The following PHLPP2 variants were observed in gnomAD, a reference collection of about 807,000 sequenced individuals.
The protein encoded by PHLPP2 is PH domain and leucine rich repeat protein phosphatase 2.
In PHLPP2, 66 loss-of-function variants were observed where a neutral mutation model predicts 124.9. The observed-to-expected ratio is 0.53, with a 90% confidence interval of 0.43 to 0.65. PHLPP2 has a LOEUF of 0.65. Ranked by LOEUF, PHLPP2 falls within the 30% of genes least tolerant of loss-of-function variation. The pLI is 0.00. For synonymous variants in PHLPP2, 681 were observed against 624.7 expected (o/e 1.09, Z -1.34); for missense variants, 1,685 against 1,600.4 (o/e 1.05, Z -0.90).
Position 71,648,962 on chromosome 16 carries a change from G to C in PHLPP2, c.3900C>G (p.Asp1300Glu). The stretch of plus-strand genomic sequence containing the variant: ...CATGGGGCTCAGGCTCGAGCCGGCT[G>C]TCCTGGTGCTGTTTCATTTGTTCCT... Reference protein sequence around the residue: ...EVKEQMKQHQDSRLEPEPHEE... With the variant: ...EVKEQMKQHQESRLEPEPHEE... The change falls in exon 19 of 19, where the codon GAC becomes GAG. Residue 1300 changes from aspartate (D) to glutamate (E), a missense_variant. By Grantham distance (45) the Asp-to-Glu change is conservative. Transcript: ENST00000568954. The C allele has an allele frequency of 6.2e-7, 1 of 1,613,956 alleles. No homozygotes were observed. Among genetic ancestry groups the C allele is most frequent in the Non-Finnish European group, 8.5e-7 (1 of 1,180,024 alleles).
intron 11 of PHLPP2, among the ~76,000 whole-genome samples, chr16:71,668,107 T>C (rs1284241662): frequency 6.6e-6 from 1 of 152,036 alleles, no homozygotes; most frequent in African/African-American, 2.4e-5. Context: ...TTATACAGTG[T>C]AGTGATTAAG....
chr16:71,650,741 C>A (rs1427996450), intron 18 of PHLPP2, among the ~76,000 whole-genome samples: 1 of 152,164 alleles, frequency 6.6e-6, no homozygotes, highest in Non-Finnish European at 1.5e-5. Flanking sequence ...ACTCTAAAGT[C>A]ATCAATAAAT....
intron 9 of PHLPP2, among the ~76,000 whole-genome samples, chr16:71,674,513 T>C (rs934596369): frequency 1.3e-5 from 2 of 152,174 alleles, no homozygotes; most frequent in South Asian, 2.1e-4. Context: ...AAACAATATT[T>C]CTGTGAGTGT....
chr16:71,676,491 G>T lies in PHLPP2; in HGVS notation c.1427C>A (p.Thr476Lys), dbSNP rs372001493. Residue 476 changes from threonine to lysine, a missense_variant, in exon 9 of 19, where the codon ACA (threonine) becomes AAA (lysine). Coordinates refer to ENST00000568954, the MANE Select transcript of PHLPP2 (RefSeq NM_015020.3). ...HCGRNQLRELTLSGFSLRTLY... is the reference protein window; with the variant it reads ...HCGRNQLRELKLSGFSLRTLY... ...GGTCCGAAGGGAAAAGCCACTGAGT[G>T]TTAGCTCCCTCAGCTGATTCCGCCC... 2.5e-6 allele frequency: 4 copies of T among 1,614,180 alleles called. No individual in the cohort carries two copies. Among genetic ancestry groups the T allele is most frequent in the Non-Finnish European group, 3.4e-6 (4 of 1,179,996 alleles).
At chr16:71,692,765 T>C (rs1486087234) in intron 3 of PHLPP2, among the ~76,000 whole-genome samples, 2 of 152,232 alleles carry the variant, frequency 1.3e-5, no homozygotes, top group Non-Finnish European at 2.9e-5. Flanking sequence ...AGATTACTTA[T>C]AATATCTAAA....
At position 71,697,211 on chromosome 16, in the gene PHLPP2, T is replaced by TA. The variant is rs1439271049; in HGVS notation, c.418+5386dup. On this transcript the variant is annotated intron_variant, in intron 3 of 18. Transcript: ENST00000568954. ...ATAAATAAATAAATAAATAAATAAATAAATAAAAAGAAACTCAGGGTCTGC... is the reference window on the plus strand; with the variant it reads ...ATAAATAAATAAATAAATAAATAAATAAAATAAAAAGAAACTCAGGGTCTGC... Among the ~76,000 whole-genome samples the TA allele has an allele frequency of 2.5e-3, 106 of 42,480 alleles. No homozygotes were observed. In the South Asian group the frequency reaches 0.043, roughly 17 times the overall value. The allele number at this position is 42,480 out of a possible 152,430, so 27.9% of individuals were successfully genotyped here. A position where few individuals can be genotyped will look rare whatever the true frequency, so the allele number is the denominator to read the frequency against.
At chr16:71,676,807 G>A in intron 8 of PHLPP2, 158 bp from the exon 9 acceptor site, 1 of 606,430 alleles carries the variant, frequency 1.6e-6, no homozygotes, top group Non-Finnish European at 2.9e-6. Context: ...GGAGTGCAAT[G>A]GCGTGATCTC....
At chr16:71,719,483 T>C (rs1268293408) in intron 1 of PHLPP2, among the ~76,000 whole-genome samples, 1 of 152,220 alleles carries the variant, frequency 6.6e-6, no homozygotes, top group Non-Finnish European at 1.5e-5. Flanking sequence ...GAGACTGCAG[T>C]GAGCGGAGAT....
rs1416405199 is a variant in PHLPP2, at chr16:71,655,251, C to T, written c.2574G>A (p.Leu858=). ...NDTVFMANTF[L]VSHRKLGMAG... Reference sequence around the variant, plus strand: ...ACCCACCTGCTTACCTGTGAGATACCAAGAAGGTGTTAGCCATGAAAACTG... The same window carrying T: ...ACCCACCTGCTTACCTGTGAGATACTAAGAAGGTGTTAGCCATGAAAACTG... The change falls in exon 17 of 19, where the codon TTG becomes TTA. Residue 858 remains leucine, a synonymous_variant. Transcript: ENST00000568954. The T allele has an allele frequency of 6.2e-7, 1 of 1,610,224 alleles. No homozygotes were observed. The highest frequency in any genetic ancestry group is 2.2e-5 in the East Asian group (1 of 44,846).
At chr16:71,692,839 A>T (rs1194989202) in intron 3 of PHLPP2, among the ~76,000 whole-genome samples, 15 of 150,076 alleles carry the variant, frequency 1.0e-4, no homozygotes, top group African/African-American at 2.7e-4. Context: ...TATTTTTTTA[A>T]AATATTTTTG....
chr16:71,650,568 C>T (rs1452040397), intron 18 of PHLPP2, among the ~76,000 whole-genome samples: 1 of 152,170 alleles, frequency 6.6e-6, no homozygotes, highest in Non-Finnish European at 1.5e-5. Flanking sequence ...CATAATTTAC[C>T]TATGCTCTGG....
chr16:71,699,299 G>C (rs192931321), intron 3 of PHLPP2, among the ~76,000 whole-genome samples: 1 of 152,152 alleles, frequency 6.6e-6, no homozygotes, highest in Non-Finnish European at 1.5e-5. Flanking sequence ...TCTCCTGAAT[G>C]GTTCTTTCTG....
intron 10 of PHLPP2, among the ~76,000 whole-genome samples, 168 bp from the exon 11 acceptor site, chr16:71,669,538 T>C (rs1361906026): frequency 1.3e-5 from 2 of 152,224 alleles, no homozygotes; most frequent in East Asian, 1.9e-4. Flanking sequence ...GCTCATTGAA[T>C]GCTGCTGAAT....
chr16:71,703,860 A>C (rs2145370537), intron 2 of PHLPP2, among the ~76,000 whole-genome samples: 1 of 152,352 alleles, frequency 6.6e-6, no homozygotes, highest in Admixed American at 6.5e-5. Context: ...GTTCAGTAAG[A>C]TACTGACAAT....
Position 71,648,787 on chromosome 16 carries a change from A to C in PHLPP2, c.*103T>G, listed in dbSNP as rs575679600. On this transcript the variant is annotated 3_prime_UTR_variant, in exon 19 of 19. Coordinates refer to ENST00000568954, the MANE Select transcript of PHLPP2 (RefSeq NM_015020.3). ...CTCCGTCTCAAAACAAACAAACAAA[A>C]AAAAAACGAACAAACAAAAAGAAAT... The C allele has an allele frequency of 2.3e-4, 206 of 902,708 alleles. 3 individuals carry two copies. The highest frequency in any genetic ancestry group is 1.8e-3 in the Middle Eastern group (5 of 2,820). 55.9% of individuals were successfully genotyped at this position (902,708 alleles called of 1,614,324 possible). A position where few individuals can be genotyped will look rare whatever the true frequency, so the allele number is the denominator to read the frequency against.
rs765500851 is a variant in PHLPP2, at chr16:71,676,677, C to T, written c.1269-28G>A. 214 of 1,484,400 alleles carry T rather than the reference C, an allele frequency of 1.4e-4. 4 individuals are homozygous for T. The South Asian group carries it at 2.3e-3, about 16-fold the overall frequency. The allele number at this position is 1,484,400 out of a possible 1,614,324, so 92.0% of individuals were successfully genotyped here. A position where few individuals can be genotyped will look rare whatever the true frequency, so the allele number is the denominator to read the frequency against. On this transcript the variant is annotated intron_variant, in intron 8 of 18. Transcript: ENST00000568954. Reference sequence around the variant, plus strand: ...TAATACGCAGAAACAAGAAAATAATCATAAATAAGAGTCTATTAAATGTGC... The same window carrying T: ...TAATACGCAGAAACAAGAAAATAATTATAAATAAGAGTCTATTAAATGTGC...
At position 71,647,143 on chromosome 16, in the gene PHLPP2, A is replaced by G. The variant is rs1163328320; in HGVS notation, c.*1747T>C. On this transcript the variant is annotated 3_prime_UTR_variant, in exon 19 of 19. Coordinates refer to ENST00000568954, the MANE Select transcript of PHLPP2 (RefSeq NM_015020.3). ...TGGCCCTACTTTATTTTTAATTGTA[A>G]AAGTGTTCCAAAAATTCAAAGCACA... 1 of 152,646 alleles carries G rather than the reference A, an allele frequency of 6.6e-6. No homozygotes were observed. Among genetic ancestry groups the G allele is most frequent in the Non-Finnish European group, 1.5e-5 (1 of 68,044 alleles). 9.5% of individuals were successfully genotyped at this position (152,646 alleles called of 1,614,324 possible).
intron 2 of PHLPP2, 30 bp downstream of exon 2, chr16:71,714,482 A>G (rs1328015380): frequency 6.5e-7 from 1 of 1,549,324 alleles, no homozygotes; most frequent in Admixed American, 2.1e-5. Context: ...ATATTACGGT[A>G]GAATTAGAGT....
intron 4 of PHLPP2, among the ~76,000 whole-genome samples, chr16:71,689,106 G>A (rs149487011): frequency 1.1e-3 from 174 of 152,226 alleles, no homozygotes; most frequent in African/African-American, 3.7e-3. Context: ...GCCAAATTCC[G>A]AGGCTGCCAC....
Sources: allele counts gnomAD v4.1 joint callset (sites outside exome capture counted in the v4.1 genomes callset), GRCh38; gene constraint gnomAD v4.1.1; transcripts MANE v1.5; gene names NCBI Gene and HGNC (gene_info 2026-07-23, HGNC 2026-07-21).